DLG2: variants seen among roughly 807,000 people sequenced by gnomAD.
DLG2 encodes discs large MAGUK scaffold protein 2.
DLG2 carries 45 observed loss-of-function variants against 132.5 expected under a neutral mutation model. That is an observed-to-expected ratio of 0.34 (90% CI 0.27 to 0.44). DLG2 has a LOEUF of 0.44. DLG2 is among the 20% of genes least tolerant of loss of function. DLG2 has a pLI of 1.00. For synonymous variants in DLG2, 424 were observed against 419.6 expected, an observed-to-expected ratio of 1.01 and a Z score of -0.13; for missense variants, 1,045 against 1,196.9, an observed-to-expected ratio of 0.87 and a Z score of 1.87.
intron 6 of DLG2, among the ~76,000 whole-genome samples, chr11:84,986,201 T>A (rs1402670988): frequency 6.6e-6 from 1 of 151,820 alleles, no homozygotes; most frequent in Non-Finnish European, 1.5e-5. Context: ...CTAGAAAACC[T>A]AGAGATGGAT....
At chr11:85,586,611 G>C (rs2078988467) in intron 3 of DLG2, among the ~76,000 whole-genome samples, 1 of 152,030 alleles carries the variant, frequency 6.6e-6, no homozygotes, top group African/African-American at 2.4e-5. Context: ...TTCTTGGTTA[G>C]TCTCACAGTC....
chr11:84,355,006 T>C (rs1216223181), intron 7 of DLG2, among the ~76,000 whole-genome samples: 1 of 152,132 alleles, frequency 6.6e-6, no homozygotes, highest in Non-Finnish European at 1.5e-5. Context: ...ATGACTTCTC[T>C]CCTGAACAAG....
At chr11:85,176,806 C>T (rs2079284783) in intron 4 of DLG2, among the ~76,000 whole-genome samples, 1 of 152,016 alleles carries the variant, frequency 6.6e-6, no homozygotes, top group African/African-American at 2.4e-5. Flanking sequence ...AGGACATGAG[C>T]AGACACTTCT....
chr11:85,391,254 C>T (rs185883835), intron 3 of DLG2, among the ~76,000 whole-genome samples: 134 of 152,090 alleles, frequency 8.8e-4, no homozygotes, highest in African/African-American at 2.9e-3. Context: ...AATAGAAACT[C>T]TGAACAGGCC....
chr11:85,131,237 GATTTA>G (rs2075682458), intron 5 of DLG2, among the ~76,000 whole-genome samples: 1 of 152,068 alleles, frequency 6.6e-6, no homozygotes, highest in Admixed American at 6.5e-5. Context: ...TTTCGGTATT[GATTTA>G]ATTTGTATAA....
intron 3 of DLG2, among the ~76,000 whole-genome samples, chr11:85,541,199 A>G (rs1159268379): frequency 6.6e-6 from 1 of 152,234 alleles, no homozygotes; most frequent in Non-Finnish European, 1.5e-5. Flanking sequence ...CAAAGTAATG[A>G]TATAATCACA....
chr11:84,272,474 C>G lies in DLG2; in HGVS notation c.520-21183G>C, dbSNP rs11233972. On this transcript the variant is annotated intron_variant, in intron 7 of 27. Transcript: ENST00000376104. ...GAAAATAATCAAACATTTTAATATT[C>G]TTCTTGGTAGTCCTATTTACCTTAT... 7.8e-3 allele frequency among the ~76,000 whole-genome samples: 1,188 copies of G among 152,152 alleles called. 16 individuals are homozygous for G. Among genetic ancestry groups the G allele is most frequent in the African/African-American group, 0.027 (1,131 of 41,502 alleles).
intron 7 of DLG2, among the ~76,000 whole-genome samples, chr11:84,336,463 T>C (rs897649777): frequency 2.6e-5 from 4 of 152,220 alleles, no homozygotes; most frequent in Admixed American, 6.5e-5. Context: ...GGAATGACTA[T>C]TGACTCATAA....
intron 3 of DLG2, among the ~76,000 whole-genome samples, chr11:85,420,884 G>C (rs572183996): frequency 2.0e-5 from 3 of 152,332 alleles, no homozygotes; most frequent in Admixed American, 2.0e-4. Context: ...CCTGGCCGCA[G>C]GATCCACTGA....
In DLG2 at chr11:84,362,647, T is replaced by C. The variant is rs184587575; in HGVS notation, c.520-111356A>G. 6.6e-3 allele frequency among the ~76,000 whole-genome samples: 1,002 copies of C among 152,178 alleles called. 8 individuals are homozygous for C. The highest frequency in any genetic ancestry group is 0.018 in the African/African-American group (743 of 41,516). ...TAGCATTAGGTATGTCTCCCAATGC[T>C]ATCCCTCCCCACTCCCCCCACCTCA... On this transcript the variant is annotated intron_variant, in intron 7 of 27. Transcript: ENST00000376104.
chr11:84,453,583 A>T (rs1297780222), intron 7 of DLG2, among the ~76,000 whole-genome samples: 1 of 151,694 alleles, frequency 6.6e-6, no homozygotes, highest in Admixed American at 6.6e-5. Context: ...TGTGGTTAAG[A>T]TGACTACCAA....
At chr11:84,252,574 TTC>T (rs1322759057) in intron 7 of DLG2, among the ~76,000 whole-genome samples, 5 of 152,178 alleles carry the variant, frequency 3.3e-5, no homozygotes, top group Admixed American at 1.3e-4. Context: ...TTTGCAGTAA[TTC>T]TCTTTAAAGT....
At chr11:84,546,481 T>A in intron 6 of DLG2, 1 of 241,504 alleles carries the variant, frequency 4.1e-6, no homozygotes, top group South Asian at 5.5e-5. Flanking sequence ...TCTTGGGTAT[T>A]TCTTGATAGC....
At chr11:83,628,432 T>C (rs1591263908) in intron 19 of DLG2, among the ~76,000 whole-genome samples, 1 of 152,174 alleles carries the variant, frequency 6.6e-6, no homozygotes, top group African/African-American at 2.4e-5. Context: ...TGCTCTACAA[T>C]GTCTCACAAA....
intron 17 of DLG2, among the ~76,000 whole-genome samples, chr11:83,787,309 C>CTTTTTT (rs2040210874): frequency 9.5e-6 from 1 of 105,136 alleles, no homozygotes; most frequent in Admixed American, 9.4e-5. Flanking sequence ...AGCCTTAAGC[C>CTTTTTT]TTGTTTTTTT....
chr11:85,321,009 A>C lies in DLG2; in HGVS notation c.41-35644T>G, dbSNP rs147914918. On this transcript the variant is annotated intron_variant, in intron 3 of 27. Coordinates refer to ENST00000376104, the MANE Select transcript of DLG2 (RefSeq NM_001142699.3). ...CCCTCCTTAGTCTCATGTATGGTCCAAAAAATAAAATAAAATAAAATAAAA... is the reference window on the plus strand; with the variant it reads ...CCCTCCTTAGTCTCATGTATGGTCCCAAAAATAAAATAAAATAAAATAAAA... Among the ~76,000 whole-genome samples the C allele has an allele frequency of 6.9e-3, 1,043 of 151,970 alleles. 12 individuals are homozygous for C. Among genetic ancestry groups the C allele is most frequent in the African/African-American group, 0.024 (976 of 41,494 alleles).
At chr11:85,427,974 A>G (rs1490048377) in intron 3 of DLG2, among the ~76,000 whole-genome samples, 1 of 152,204 alleles carries the variant, frequency 6.6e-6, no homozygotes, top group Non-Finnish European at 1.5e-5. Flanking sequence ...AGAGGTTGCA[A>G]TCCTAGTCTC....
intron 16 of DLG2, among the ~76,000 whole-genome samples, chr11:83,848,536 G>A (rs1174293975): frequency 2.6e-5 from 4 of 151,994 alleles, no homozygotes; most frequent in African/African-American, 9.7e-5. Context: ...AGAAACTTCT[G>A]CATTTTCTTC....
intron 11 of DLG2, among the ~76,000 whole-genome samples, chr11:83,997,915 T>A (rs529559791): frequency 4.0e-5 from 6 of 151,310 alleles, no homozygotes; most frequent in African/African-American, 1.5e-4. Context: ...GTGGATCACT[T>A]GAGGTCAGGA....
Sources: gnomAD v4.1 joint callset for allele counts (sites outside exome capture counted in the v4.1 genomes callset) on GRCh38, gnomAD v4.1.1 for gene constraint, MANE v1.5 for transcripts, NCBI Gene and HGNC (gene_info 2026-07-23, HGNC 2026-07-21) for gene names.